The following LMO1 variants were observed in gnomAD, a reference collection of about 807,000 sequenced individuals.
The protein encoded by LMO1 is LIM domain only 1.
In LMO1, 10 loss-of-function variants were observed where a neutral mutation model predicts 18.0. The ratio of observed to expected loss-of-function variants is 0.55; its 90% CI spans 0.34 to 0.94. LMO1 has a LOEUF of 0.94. Ranked by LOEUF, LMO1 falls within the 40% of genes least tolerant of loss-of-function variation. The pLI is 0.02. For missense variants in LMO1, 183 were observed against 205.7 expected, an observed-to-expected ratio of 0.89 and a Z score of 0.68; for synonymous variants, 77 against 77.9, an observed-to-expected ratio of 0.99 and a Z score of 0.06.
At chr11:8,267,632 C>T (rs1231587060), upstream of LMO1, among the ~76,000 whole-genome samples, 3 of 152,154 alleles carry the variant, frequency 2.0e-5, no homozygotes, top group African/African-American at 7.2e-5. Flanking sequence ...GTAGTTTGGG[C>T]GTGGGGCTCT....
At chr11:8,239,163 C>G (rs1952811310) in intron 1 of LMO1, among the ~76,000 whole-genome samples, 1 of 152,186 alleles carries the variant, frequency 6.6e-6, no homozygotes, top group Admixed American at 6.5e-5. Flanking sequence ...GTTCAAGTTC[C>G]CATCCAGCAC....
intron 1 of LMO1, among the ~76,000 whole-genome samples, chr11:8,261,831 C>T (rs896149826): frequency 6.6e-6 from 1 of 152,126 alleles, no homozygotes; most frequent in Non-Finnish European, 1.5e-5. Flanking sequence ...CTACATGGGG[C>T]TCCAGGGAAG....
chr11:8,252,178 G>A lies in LMO1; in HGVS notation c.25+11160C>T, dbSNP rs553045980. ...AAACTCTTCAACATGCCAACTTGCT[G>A]GGGTATCCCAGCCAAGTGTCTTTTC... On this transcript the variant is annotated intron_variant, in intron 1 of 3. Transcript: ENST00000335790. 7.2e-5 allele frequency among the ~76,000 whole-genome samples: 11 copies of A among 152,292 alleles called. No homozygotes were observed. The South Asian group carries it at 2.3e-3, about 32-fold the overall frequency.
rs905463105 is a variant in LMO1 at position 8,236,089 on chromosome 11, G to A, written c.26-5585C>T. Among the ~76,000 whole-genome samples the A allele has an allele frequency of 6.6e-5, 10 of 152,342 alleles. No individual in the cohort carries two copies. The South Asian group carries it at 1.2e-3, about 19-fold the overall frequency. On this transcript the variant is annotated intron_variant, in intron 1 of 3. Coordinates refer to ENST00000335790, the MANE Select transcript of LMO1 (RefSeq NM_002315.3). Reference sequence around the variant, plus strand: ...TATCTGTCCAACAGGCTGTTCCAGTGACCAGCCACATGGGAAGCAGTTGCT... The same window carrying A: ...TATCTGTCCAACAGGCTGTTCCAGTAACCAGCCACATGGGAAGCAGTTGCT...
chr11:8,254,148 T>C (rs964220324), intron 1 of LMO1, among the ~76,000 whole-genome samples: 4 of 151,990 alleles, frequency 2.6e-5, no homozygotes, highest in Non-Finnish European at 4.4e-5. Context: ...ATAAAAGTAA[T>C]CTCCAAGTGG....
At chr11:8,262,909 C>T (rs1847211297) in intron 1 of LMO1, among the ~76,000 whole-genome samples, 1 of 152,252 alleles carries the variant, frequency 6.6e-6, no homozygotes, top group Admixed American at 6.5e-5. Flanking sequence ...TTGCTCGGCG[C>T]TCAGCGCCTC....
At chr11:8,252,107 C>T (rs1392320566) in intron 1 of LMO1, among the ~76,000 whole-genome samples, 1 of 152,168 alleles carries the variant, frequency 6.6e-6, no homozygotes, top group African/African-American at 2.4e-5. Flanking sequence ...AGTGTCTTTA[C>T]CGCCACCTCC....
rs527604736 is a variant in LMO1 at position 8,263,115 on chromosome 11, C to A, written c.25+223G>T. On this transcript the variant is annotated intron_variant, in intron 1 of 3. Coordinates refer to ENST00000335790, the MANE Select transcript of LMO1 (RefSeq NM_002315.3). ...CCGGGACCCGGGGGGCGTGCGGCCC[C>A]GGGCGCGTGCAGCCCGGGGCTCGAC... 4.6e-5 allele frequency among the ~76,000 whole-genome samples: 7 copies of A among 151,546 alleles called. No homozygotes were observed. In the East Asian group the frequency reaches 1.2e-3, roughly 25 times the overall value.
chr11:8,252,018 G>A (rs76027078), intron 1 of LMO1, among the ~76,000 whole-genome samples: 5,524 of 151,896 alleles, frequency 0.036, 130 homozygotes, highest in African/African-American at 0.043. Context: ...ATGTGTGTGA[G>A]TGTGTGTGTG....
At chr11:8,251,006 G>A (rs1846982367) in intron 1 of LMO1, among the ~76,000 whole-genome samples, 1 of 152,166 alleles carries the variant, frequency 6.6e-6, no homozygotes, top group Non-Finnish European at 1.5e-5. Flanking sequence ...ACAAGACCAA[G>A]TGTGGAGGGC....
At chr11:8,238,508 A>G (rs1414209420) in intron 1 of LMO1, among the ~76,000 whole-genome samples, 1 of 152,068 alleles carries the variant, frequency 6.6e-6, no homozygotes, top group Non-Finnish European at 1.5e-5. Flanking sequence ...CGTCTCTACT[A>G]AAAATACAAA....
chr11:8,227,103 G>T lies in LMO1; in HGVS notation c.240-3C>A. The T allele has an allele frequency of 6.2e-7, 1 of 1,612,442 alleles. No homozygotes were observed. Among genetic ancestry groups the T allele is most frequent in the Non-Finnish European group, 8.5e-7 (1 of 1,179,072 alleles). ...AGTTCCCTGTGGTGCCAAAGAGCCT[G>T]CCGAGGGAAGGGCGCAGAGGACTCA... On this transcript the variant is annotated splice_polypyrimidine_tract_variant and splice_region_variant and intron_variant, in intron 2 of 3. Coordinates refer to ENST00000335790, the MANE Select transcript of LMO1 (RefSeq NM_002315.3).
At chr11:8,266,347 TC>T (rs1565191074), upstream of LMO1, among the ~76,000 whole-genome samples, 1 of 151,710 alleles carries the variant, frequency 6.6e-6, no homozygotes, top group African/African-American at 2.4e-5. Context: ...AGCAAGTAAC[TC>T]CCACCCCCAT....
At chr11:8,249,441 G>A (rs1199004950) in intron 1 of LMO1, among the ~76,000 whole-genome samples, 1 of 152,204 alleles carries the variant, frequency 6.6e-6, no homozygotes, top group African/African-American at 2.4e-5. Flanking sequence ...TTAATAAAAT[G>A]TAAATTTGAG....
At chr11:8,241,418 C>G (rs577374931) in intron 1 of LMO1, among the ~76,000 whole-genome samples, 35 of 152,370 alleles carry the variant, frequency 2.3e-4, no homozygotes, top group Admixed American at 1.6e-3. Context: ...CACTGCTCAA[C>G]TTGAAACCCT....
upstream of LMO1, chr11:8,268,381 C>T (rs1414720053): frequency 6.9e-7 from 1 of 1,456,116 alleles, no homozygotes; most frequent in South Asian, 1.3e-5. Flanking sequence ...CTCCGCCCCA[C>T]GTCCCGCGTG....
chr11:8,265,893 C>A (rs2134596014), upstream of LMO1, among the ~76,000 whole-genome samples: 1 of 152,360 alleles, frequency 6.6e-6, no homozygotes, highest in Middle Eastern at 3.4e-3. Flanking sequence ...CTTTCAGGGG[C>A]TGGCCCTGAC....
At chr11:8,259,329 G>C (rs115767352) in intron 1 of LMO1, among the ~76,000 whole-genome samples, 1,989 of 152,248 alleles carry the variant, frequency 0.013, 42 homozygotes, top group African/African-American at 0.046. Context: ...TGTGGGGTTG[G>C]GGGGCGGGTT....
intron 3 of LMO1, among the ~76,000 whole-genome samples, chr11:8,225,905 C>T (rs1027638863): frequency 2.0e-5 from 3 of 152,208 alleles, no homozygotes; most frequent in African/African-American, 4.8e-5. Context: ...CTGAGAAGAG[C>T]GCCTGCCTTC....
Sources: allele counts gnomAD v4.1 joint callset (sites outside exome capture counted in the v4.1 genomes callset), GRCh38; gene constraint gnomAD v4.1.1; transcripts MANE v1.5; gene names NCBI Gene and HGNC (gene_info 2026-07-23, HGNC 2026-07-21).